The following SLC25A48 variants were observed in gnomAD, a reference collection of about 807,000 sequenced individuals.
SLC25A48 encodes the protein CTC-321K16.1.
Under a neutral mutation model 32.2 loss-of-function variants are expected in SLC25A48, and 29 were observed. The observed-to-expected ratio is 0.90, with a 90% CI of 0.67 to 1.23. SLC25A48 has a LOEUF of 1.23. Ranked by LOEUF, SLC25A48 falls within the 50% of genes most tolerant of loss-of-function variation. SLC25A48 has a pLI of 0.00. For synonymous variants in SLC25A48, 164 were observed against 172.3 expected (o/e 0.95, Z 0.38); for missense variants, 399 against 422.7 (o/e 0.94, Z 0.49).
intron 2 of SLC25A48, among the ~76,000 whole-genome samples, chr5:135,848,674 A>G (rs1383283499): frequency 1.3e-5 from 2 of 152,214 alleles, no homozygotes; most frequent in Non-Finnish European, 2.9e-5. Context: ...CCATGAAGGC[A>G]GACTCTGGTT....
At chr5:135,767,572 A>G (rs1311211152) in intron 3 of SLC25A48, among the ~76,000 whole-genome samples, 1 of 151,888 alleles carries the variant, frequency 6.6e-6, no homozygotes, top group Admixed American at 6.6e-5. Flanking sequence ...ATTTTTTGTA[A>G]TATTTAGGGG....
At chr5:135,700,371 C>CAAAAAAAAAAAAAAAAA (rs34125451) in intron 3 of SLC25A48, among the ~76,000 whole-genome samples, 4 of 67,944 alleles carry the variant, frequency 5.9e-5, no homozygotes, top group African/African-American at 1.3e-4. Flanking sequence ...GACTCTGTCT[C>CAAAAAAAAAAAAAAAAA]AAAAAAAAAA....
chr5:135,590,240 A>G (rs1751485737), intron 1 of SLC25A48, among the ~76,000 whole-genome samples: 1 of 152,028 alleles, frequency 6.6e-6, no homozygotes, highest in South Asian at 2.1e-4. Context: ...ATGTGAACTG[A>G]CTCCCAGGGA....
chr5:135,874,549 T>C, intron 6 of SLC25A48: 1 of 572,980 alleles, frequency 1.7e-6, no homozygotes, highest in Non-Finnish European at 3.1e-6. Context: ...GTGCCAGAGC[T>C]GCCTTGCCTC....
intron 3 of SLC25A48, among the ~76,000 whole-genome samples, chr5:135,776,962 G>A (rs935615834): frequency 1.3e-5 from 2 of 151,828 alleles, no homozygotes; most frequent in Non-Finnish European, 2.9e-5. Flanking sequence ...TAATATTCAG[G>A]AGGAAGAGCA....
intron 3 of SLC25A48, among the ~76,000 whole-genome samples, chr5:135,729,415 C>T (rs1020450002): frequency 2.6e-5 from 4 of 151,832 alleles, no homozygotes; most frequent in East Asian, 3.8e-4. Context: ...GTGGAAAGAC[C>T]GCAGTGTTCT....
chr5:135,643,521 TTGCTCTC>T (rs1397622201), intron 3 of SLC25A48, among the ~76,000 whole-genome samples: 1 of 152,224 alleles, frequency 6.6e-6, no homozygotes, highest in Non-Finnish European at 1.5e-5. Context: ...CTCATGGGCC[TTGCTCTC>T]CTGCAATGCT....
intron 1 of SLC25A48, among the ~76,000 whole-genome samples, chr5:135,596,943 A>AC (rs560591668): frequency 6.5e-4 from 99 of 152,226 alleles, no homozygotes; most frequent in African/African-American, 2.3e-3. Flanking sequence ...TAGCTGTGTG[A>AC]CCTTGGGTGA....
chr5:135,788,605 G>C (rs547444272), intron 3 of SLC25A48, among the ~76,000 whole-genome samples: 1 of 148,026 alleles, frequency 6.8e-6, no homozygotes, highest in Non-Finnish European at 1.5e-5. Context: ...CCTATGCTTC[G>C]TAATATCCAG....
intron 3 of SLC25A48, among the ~76,000 whole-genome samples, chr5:135,789,500 A>T (rs35636441): frequency 0.65 from 98,300 of 150,204 alleles, 34,198 homozygotes; most frequent in Middle Eastern, 0.78. Context: ...CCGCCTGCGG[A>T]ATGGTTTGTA....
chr5:135,768,540 C>T (rs1291048609), intron 3 of SLC25A48, among the ~76,000 whole-genome samples: 2 of 151,150 alleles, frequency 1.3e-5, no homozygotes, highest in South Asian at 2.1e-4. Context: ...CTCTTAATAT[C>T]GCAGGGGGTA....
intron 3 of SLC25A48, among the ~76,000 whole-genome samples, chr5:135,724,193 T>C (rs1755035680): frequency 6.6e-6 from 1 of 152,246 alleles, no homozygotes; most frequent in Non-Finnish European, 1.5e-5. Flanking sequence ...TTGAGCGTTT[T>C]CCCTGTGCCA....
intron 1 of SLC25A48, among the ~76,000 whole-genome samples, chr5:135,836,965 C>CCCT (rs1758565033): frequency 9.7e-5 from 2 of 20,576 alleles, no homozygotes; most frequent in African/African-American, 1.9e-4. Context: ...ATTATCCCCC[C>CCCT]CCCCACCCCC....
intron 1 of SLC25A48, among the ~76,000 whole-genome samples, chr5:135,580,141 T>C (rs766618133): frequency 8.5e-5 from 13 of 152,348 alleles, no homozygotes; most frequent in Non-Finnish European, 1.5e-4. Context: ...ATTTGACAGG[T>C]GTGGAAACAT....
chr5:135,858,591 G>A (rs1161014744), intron 4 of SLC25A48, among the ~76,000 whole-genome samples: 1 of 152,192 alleles, frequency 6.6e-6, no homozygotes, highest in African/African-American at 2.4e-5. Flanking sequence ...GGAACAAAGA[G>A]GTTTCATACC....
At chr5:135,594,210 A>G (rs1368479033) in intron 1 of SLC25A48, among the ~76,000 whole-genome samples, 1 of 152,204 alleles carries the variant, frequency 6.6e-6, no homozygotes, top group Non-Finnish European at 1.5e-5. Context: ...GCTCTTTTAA[A>G]GCTTTGGTGT....
intron 1 of SLC25A48, among the ~76,000 whole-genome samples, chr5:135,840,187 T>A (rs1490002227): frequency 2.0e-5 from 3 of 152,198 alleles, no homozygotes; most frequent in African/African-American, 7.2e-5. Flanking sequence ...TTTAAAAAAA[T>A]TCTATGGTGA....
upstream of SLC25A48, among the ~76,000 whole-genome samples, chr5:135,833,451 C>T (rs1014975663): frequency 1.3e-5 from 2 of 152,200 alleles, no homozygotes; most frequent in African/African-American, 4.8e-5. Flanking sequence ...AGTAAAAGGC[C>T]ACTCTTCAGA....
chr5:135,886,199 G>A (rs2126848327), intron 7 of SLC25A48, among the ~76,000 whole-genome samples: 1 of 152,152 alleles, frequency 6.6e-6, no homozygotes, highest in East Asian at 1.9e-4. Context: ...CCTTATTGCA[G>A]AGCTAGGGCT....
Sources: gnomAD v4.1 joint callset for allele counts (sites outside exome capture counted in the v4.1 genomes callset) on GRCh38, gnomAD v4.1.1 for gene constraint, MANE v1.5 for transcripts, NCBI Gene and HGNC (gene_info 2026-07-23, HGNC 2026-07-21) for gene names.